Variants in RSPH3 observed in about 807,000 individuals in gnomAD.
The protein encoded by RSPH3 is radial spoke head 3.
Under a neutral mutation model 43.8 loss-of-function variants are expected in RSPH3, and 21 were observed. The observed-to-expected ratio is 0.48, with a 90% CI of 0.34 to 0.69. The LOEUF (loss-of-function observed/expected upper bound fraction) is 0.69. Ranked by LOEUF, RSPH3 falls within the 30% of genes least tolerant of loss-of-function variation. The pLI is 0.01. For missense variants in RSPH3, 487 were observed against 516.0 expected (o/e 0.94, Z 0.54); for synonymous variants, 173 against 179.8 (o/e 0.96, Z 0.30).
intron 5 of RSPH3, 114 bp downstream of exon 5, chr6:158,982,370 TC>T (rs1362674336): frequency 3.1e-6 from 2 of 648,800 alleles, no homozygotes; most frequent in Admixed American, 3.2e-5. Flanking sequence ...TAGATCTTTT[TC>T]TAATATATTC....
At chr6:158,965,737 C>G in the RSPH3 span, among the ~76,000 whole-genome samples, 1 of 151,994 alleles carries the variant, frequency 6.6e-6, no homozygotes, top group Non-Finnish European at 1.5e-5. Context: ...CTTTCCAATC[C>G]GGATGACTTT....
downstream of RSPH3, among the ~76,000 whole-genome samples, chr6:158,970,057 AT>A (rs1356786028): frequency 6.7e-6 from 1 of 149,428 alleles, no homozygotes; most frequent in Non-Finnish European, 1.5e-5. Context: ...ATATGTTCCT[AT>A]TTTTTGCCTG....
intron 5 of RSPH3, among the ~76,000 whole-genome samples, chr6:158,981,167 C>A (rs544274938): frequency 6.6e-6 from 1 of 152,052 alleles, no homozygotes; most frequent in African/African-American, 2.4e-5. Flanking sequence ...TGTCACTATT[C>A]AAGTAAAATA....
chr6:158,971,105 G>A (rs1040882857), downstream of RSPH3, among the ~76,000 whole-genome samples: 17 of 152,162 alleles, frequency 1.1e-4, no homozygotes, highest in African/African-American at 4.1e-4. Flanking sequence ...CAACTGTCTG[G>A]AGATGCGGTT....
intron 1 of RSPH3, among the ~76,000 whole-genome samples, 183 bp downstream of exon 1, chr6:158,999,252 T>A (rs1487989025): frequency 0.018 from 2,693 of 152,318 alleles, 34 homozygotes; most frequent in Middle Eastern, 0.024. Context: ...GCCCAACCCA[T>A]GCCCCTTCCT....
intron 3 of RSPH3, among the ~76,000 whole-genome samples, chr6:158,984,354 A>T (rs762522504): frequency 1.9e-4 from 28 of 149,316 alleles, no homozygotes; most frequent in Non-Finnish European, 3.0e-4. Context: ...TGAGCTTTGT[A>T]TTTGAAAATG....
chr6:158,982,411 T>C, intron 5 of RSPH3, 74 bp downstream of exon 5: 2 of 894,452 alleles, frequency 2.2e-6, no homozygotes, highest in South Asian at 3.4e-5. Flanking sequence ...TGATATATCA[T>C]CACATGTAAT....
intron 5 of RSPH3, among the ~76,000 whole-genome samples, chr6:158,982,193 T>A (rs994826990): frequency 2.0e-5 from 3 of 152,204 alleles, no homozygotes; most frequent in Admixed American, 6.5e-5. Context: ...CTCCTGATAT[T>A]TAAGAGAGTC....
At chr6:158,964,295 A>G in the RSPH3 span, among the ~76,000 whole-genome samples, 1 of 152,132 alleles carries the variant, frequency 6.6e-6, no homozygotes, top group African/African-American at 2.4e-5. Context: ...TTTGCCATGG[A>G]TTGATAGTTT....
chr6:158,979,462 A>G (rs1777957719), intron 6 of RSPH3, among the ~76,000 whole-genome samples: 1 of 152,104 alleles, frequency 6.6e-6, no homozygotes, highest in African/African-American at 2.4e-5. Flanking sequence ...TGAACACTGG[A>G]CTTGGAGTCT....
rs1229939993 is a variant in RSPH3, at chr6:158,977,344, TTAAA to T, written c.*190_*193del. 2.0e-5 allele frequency: 11 copies of T among 539,038 alleles called. No homozygotes were observed. Among genetic ancestry groups the T allele is most frequent in the Non-Finnish European group, 3.2e-5 (10 of 308,904 alleles). 33.4% of individuals were successfully genotyped at this position (539,038 alleles called of 1,614,324 possible). A position where few individuals can be genotyped will look rare whatever the true frequency, so the allele number is the denominator to read the frequency against. On this transcript the variant is annotated 3_prime_UTR_variant, in exon 8 of 8. Transcript: ENST00000367069. ...TACAATATAGCCTTTGAATATTCTA[TTAAA>T]TAAATGAATTCAATTTAAGTTTCAT...
At chr6:158,991,456 A>G (rs1778402984) in intron 2 of RSPH3, among the ~76,000 whole-genome samples, 1 of 146,836 alleles carries the variant, frequency 6.8e-6, no homozygotes, top group Admixed American at 6.9e-5. Flanking sequence ...ACTTGTACCA[A>G]CACATTGGTG....
Position 158,976,100 on chromosome 6 carries a change from C to T in RSPH3, c.*1438G>A, listed in dbSNP as rs1318707497. Reference sequence around the variant, plus strand: ...TGGAAGGCTGAGGTGAGAAGATCACCTGAGCCTGGGAGGTCAAGGCTGCAG... The same window carrying T: ...TGGAAGGCTGAGGTGAGAAGATCACTTGAGCCTGGGAGGTCAAGGCTGCAG... On this transcript the variant is annotated 3_prime_UTR_variant, in exon 8 of 8. Transcript: ENST00000367069. The T allele has an allele frequency of 6.6e-6, 1 of 152,256 alleles. No homozygotes were observed. The highest frequency in any genetic ancestry group is 1.5e-5 in the Non-Finnish European group (1 of 68,126). 9.4% of individuals were successfully genotyped at this position (152,256 alleles called of 1,614,324 possible).
intron 6 of RSPH3, among the ~76,000 whole-genome samples, chr6:158,979,377 A>G (rs1408891017): frequency 6.6e-6 from 1 of 152,160 alleles, no homozygotes; most frequent in Admixed American, 6.6e-5. Context: ...TGTGATAGAA[A>G]AAAGGCTACT....
chr6:158,983,258 T>A (rs2179700), intron 4 of RSPH3, among the ~76,000 whole-genome samples: 19,943 of 150,828 alleles, frequency 0.13, 2,010 homozygotes, highest in East Asian at 0.41. Context: ...ATTATTAAAA[T>A]TTTTTTTTTA....
intron 3 of RSPH3, among the ~76,000 whole-genome samples, chr6:158,984,436 A>T (rs201049038): frequency 0.077 from 1,500 of 19,440 alleles, 94 homozygotes; most frequent in East Asian, 0.4. Context: ...AAAGTCAATT[A>T]TATATATATA....
At chr6:158,980,728 G>A (rs1015282504) in intron 6 of RSPH3, 46 bp downstream of exon 6, 17 of 1,446,200 alleles carry the variant, frequency 1.2e-5, no homozygotes, top group Admixed American at 1.8e-5. Flanking sequence ...ACCATTAAGA[G>A]GATGCTTATT....
At chr6:158,981,881 T>C (rs970780563) in intron 5 of RSPH3, among the ~76,000 whole-genome samples, 1 of 152,174 alleles carries the variant, frequency 6.6e-6, no homozygotes, top group Non-Finnish European at 1.5e-5. Context: ...AAAGACTATC[T>C]TTTCTAGTGC....
In RSPH3 at chr6:158,980,795, A is replaced by G; in HGVS notation, c.838T>C (p.Phe280Leu). The G allele has an allele frequency of 6.2e-7, 1 of 1,613,970 alleles. No homozygotes were observed. Among genetic ancestry groups the G allele is most frequent in the African/African-American group, 1.3e-5 (1 of 75,058 alleles). ...AAACCTCTTTCAATGGGATCATAAA[A>G]GTAGCCACTATCCCTGAGGCTGCCA... is the stretch of plus-strand genomic sequence containing the variant. Reference protein sequence around the residue: ...VFGSLRDSGYFYDPIERDIEI... With the variant: ...VFGSLRDSGYLYDPIERDIEI... Residue 280 changes from phenylalanine (F) to leucine (L), a missense_variant, in exon 6 of 8, where the codon TTT (phenylalanine) becomes CTT (leucine). Phe to Leu is a conservative substitution (Grantham distance 22). Transcript: ENST00000367069.
Sources: gnomAD v4.1 joint callset for allele counts (sites outside exome capture counted in the v4.1 genomes callset) on GRCh38, gnomAD v4.1.1 for gene constraint, MANE v1.5 for transcripts, NCBI Gene and HGNC (gene_info 2026-07-23, HGNC 2026-07-21) for gene names.